EIF4E: variants seen among roughly 807,000 people sequenced by gnomAD.
The protein encoded by EIF4E is eIF-4F 25 kDa subunit.
For synonymous variants in EIF4E, 71 were observed against 88.5 expected, an observed-to-expected ratio of 0.80 and a Z score of 1.11; for missense variants, 113 against 265.6, an observed-to-expected ratio of 0.43 and a Z score of 3.99.
At chr4:98,913,989 G>A (rs530428528) in intron 1 of EIF4E, among the ~76,000 whole-genome samples, 16 of 151,482 alleles carry the variant, frequency 1.1e-4, no homozygotes, top group Non-Finnish European at 1.9e-4. Flanking sequence ...CACTAAACAT[G>A]TTTGTAAAAA....
At position 98,926,703 on chromosome 4, in the gene EIF4E, G is replaced by C. The variant is rs553363051; in HGVS notation, c.18+2392C>G. On this transcript the variant is annotated intron_variant, in intron 1 of 6. Coordinates refer to ENST00000450253, the MANE Select transcript of EIF4E (RefSeq NM_001968.5). ...TCCAAATCTCCCAAAGTCTGTACCA[G>C]AACAAATACTGTATCACTAACCACA... Among the ~76,000 whole-genome samples the C allele has an allele frequency of 1.4e-4, 22 of 152,252 alleles. 1 individual carries two copies. The South Asian group carries it at 4.1e-3, about 29-fold the overall frequency.
chr4:98,926,331 T>C (rs1642335063), intron 1 of EIF4E: 1 of 151,806 alleles, frequency 6.6e-6, no homozygotes, highest in South Asian at 2.1e-4. Flanking sequence ...TCACCTGAGG[T>C]CGGGAGTTGA....
chr4:98,900,866 C>T (rs565306165), intron 2 of EIF4E, among the ~76,000 whole-genome samples: 1 of 152,318 alleles, frequency 6.6e-6, no homozygotes, highest in Non-Finnish European at 1.5e-5. Flanking sequence ...TCTAGTCTCT[C>T]ACTTACAAAC....
chr4:98,885,352 A>G (rs1223834300), intron 5 of EIF4E, among the ~76,000 whole-genome samples: 1 of 152,240 alleles, frequency 6.6e-6, no homozygotes, highest in East Asian at 1.9e-4. Flanking sequence ...TATATTTATG[A>G]GCAAACAAAT....
chr4:98,901,747 G>T, intron 2 of EIF4E, 129 bp downstream of exon 2: 1 of 871,962 alleles, frequency 1.1e-6, no homozygotes, highest in Non-Finnish European at 1.9e-6. Context: ...GGTCATCCAA[G>T]TGAAAATAGA....
intron 1 of EIF4E, among the ~76,000 whole-genome samples, chr4:98,909,193 G>T (rs1219882904): frequency 6.6e-6 from 1 of 152,178 alleles, no homozygotes; most frequent in Non-Finnish European, 1.5e-5. Context: ...TAGTGAGTTT[G>T]TATTATTATG....
chr4:98,885,552 A>G (rs1723883664), intron 5 of EIF4E, among the ~76,000 whole-genome samples: 4 of 152,066 alleles, frequency 2.6e-5, no homozygotes, highest in Admixed American at 1.3e-4. Flanking sequence ...GGCTCAAATG[A>G]TCCTTCCACC....
intron 1 of EIF4E, among the ~76,000 whole-genome samples, chr4:98,911,575 C>T (rs1190721101): frequency 1.4e-5 from 2 of 144,830 alleles, no homozygotes; most frequent in Non-Finnish European, 1.5e-5. Context: ...GCAGGAGAAT[C>T]GCTTGAACCC....
chr4:98,912,372 T>C (rs924990089), intron 1 of EIF4E, among the ~76,000 whole-genome samples: 33 of 151,588 alleles, frequency 2.2e-4, no homozygotes, highest in African/African-American at 8.0e-4. Flanking sequence ...GTCAGGAAAT[T>C]GAGACCATCC....
chr4:98,924,280 T>C (rs1166213547), intron 1 of EIF4E, among the ~76,000 whole-genome samples: 3 of 152,152 alleles, frequency 2.0e-5, no homozygotes, highest in African/African-American at 7.2e-5. Flanking sequence ...GGTTTCACCA[T>C]GTTGATCAGG....
chr4:98,885,077 C>T lies in EIF4E; in HGVS notation c.400-16G>A. 6.2e-7 allele frequency: 1 copy of T among 1,607,068 alleles called. No individual in the cohort carries two copies. Among genetic ancestry groups the T allele is most frequent in the Non-Finnish European group, 8.5e-7 (1 of 1,176,018 alleles). On this transcript the variant is annotated splice_polypyrimidine_tract_variant and intron_variant, in intron 5 of 6. Transcript: ENST00000450253. The stretch of plus-strand genomic sequence containing the variant: ...GGCACAGAAGCTTAAAAAAAAATCC[C>T]AAATTACATTTAATAGATTATAAAC...
chr4:98,893,673 C>T (rs2110188688), intron 2 of EIF4E, among the ~76,000 whole-genome samples: 1 of 152,342 alleles, frequency 6.6e-6, no homozygotes, highest in South Asian at 2.1e-4. Context: ...TTGCTCTCTG[C>T]ACATCTGCAG....
chr4:98,928,583 CAGTCCACCGGTCTAAGGA>C, intron 1 of EIF4E, among the ~76,000 whole-genome samples: 1 of 152,082 alleles, frequency 6.6e-6, no homozygotes, highest in East Asian at 2.0e-4. Flanking sequence ...ACCAGCTCCC[CAGTCCACCGGTCTAAGGA>C]AGACGTGCGC....
At chr4:98,883,518 T>A (rs1344996509) in intron 6 of EIF4E, among the ~76,000 whole-genome samples, 1 of 149,888 alleles carries the variant, frequency 6.7e-6, no homozygotes, top group Non-Finnish European at 1.5e-5. Flanking sequence ...CCTGCCTCAG[T>A]CTCCCAAGTA....
At chr4:98,916,738 G>C (rs1725396430) in intron 1 of EIF4E, among the ~76,000 whole-genome samples, 1 of 152,104 alleles carries the variant, frequency 6.6e-6, no homozygotes, top group Non-Finnish European at 1.5e-5. Flanking sequence ...AGAATTCTAT[G>C]TCCAGCCAAA....
rs1317240470 is a variant in EIF4E, at chr4:98,929,073, G to T, written c.18+22C>A. The T allele has an allele frequency of 3.2e-6, 5 of 1,579,796 alleles. No homozygotes were observed. In the South Asian group the frequency reaches 3.5e-5, roughly 11 times the overall value. ...ACGGAGCGCGGGGACCCGTGGGGGT[G>T]GGGGCCAAAGGCAATACTCACCGGT... On this transcript the variant is annotated intron_variant, in intron 1 of 6. Coordinates refer to ENST00000450253, the MANE Select transcript of EIF4E (RefSeq NM_001968.5).
intron 3 of EIF4E, among the ~76,000 whole-genome samples, chr4:98,888,976 T>C (rs1221873552): frequency 2.0e-5 from 3 of 151,952 alleles, no homozygotes; most frequent in Admixed American, 6.6e-5. Context: ...CTGACCAACA[T>C]GATGAAACCC....
At chr4:98,902,503 T>C (rs1724694038) in intron 1 of EIF4E, among the ~76,000 whole-genome samples, 1 of 152,232 alleles carries the variant, frequency 6.6e-6, no homozygotes, top group Non-Finnish European at 1.5e-5. Context: ...TTTCTCAAAT[T>C]TGAAAATATA....
intron 2 of EIF4E, among the ~76,000 whole-genome samples, chr4:98,896,240 C>T (rs919779386): frequency 7.2e-6 from 1 of 138,220 alleles, no homozygotes. Flanking sequence ...GGCATGATGG[C>T]ATGTGTCTAT....
Sources: gnomAD v4.1 joint callset for allele counts (sites outside exome capture counted in the v4.1 genomes callset) on GRCh38, gnomAD v4.1.1 for gene constraint, MANE v1.5 for transcripts, NCBI Gene and HGNC (gene_info 2026-07-23, HGNC 2026-07-21) for gene names.